Variants in AGBL4 observed in about 807,000 individuals in gnomAD.
The protein encoded by AGBL4 is cytosolic carboxypeptidase 6.
Under a neutral mutation model 66.4 loss-of-function variants are expected in AGBL4, and 58 were observed. That is an observed-to-expected ratio of 0.87 (90% CI 0.71 to 1.09). AGBL4 has a LOEUF of 1.09. Among genes scored for constraint, AGBL4 ranks in the 50% least tolerant of loss-of-function variants. The pLI, the probability that AGBL4 is intolerant of heterozygous loss-of-function variation, is 0.00. For missense variants in AGBL4, 579 were observed against 631.0 expected, an observed-to-expected ratio of 0.92 and a Z score of 0.88; for synonymous variants, 234 against 222.9, an observed-to-expected ratio of 1.05 and a Z score of -0.44.
intron 4 of AGBL4, among the ~76,000 whole-genome samples, chr1:49,162,713 A>G (rs1646562650): frequency 6.6e-6 from 1 of 152,164 alleles, no homozygotes; most frequent in African/African-American, 2.4e-5. Context: ...TCTGTCATTT[A>G]CTACCTCGGA....
chr1:49,000,025 T>G (rs1469854558), intron 5 of AGBL4, among the ~76,000 whole-genome samples: 1 of 152,192 alleles, frequency 6.6e-6, no homozygotes, highest in Non-Finnish European at 1.5e-5. Flanking sequence ...TATTCATCCT[T>G]TGGATCTCAG....
intron 3 of AGBL4, among the ~76,000 whole-genome samples, chr1:49,465,123 T>G (rs1239617069): frequency 1.3e-5 from 2 of 151,378 alleles, no homozygotes; most frequent in African/African-American, 2.4e-5. Context: ...GGAGCTATTT[T>G]GAGAAAATAT....
intron 5 of AGBL4, among the ~76,000 whole-genome samples, chr1:49,033,823 T>C (rs1191014035): frequency 6.4e-5 from 9 of 140,668 alleles, no homozygotes; most frequent in Non-Finnish European, 1.4e-4. Context: ...TTTCCTTTTC[T>C]TTTTTTTTTT....
intron 6 of AGBL4, among the ~76,000 whole-genome samples, chr1:48,752,981 C>T (rs1019724338): frequency 6.6e-6 from 1 of 152,178 alleles, no homozygotes; most frequent in Non-Finnish European, 1.5e-5. Context: ...ATCTCTTGAC[C>T]TCGTGATCCG....
chr1:49,674,027 C>T (rs1302122334), intron 3 of AGBL4, among the ~76,000 whole-genome samples: 1 of 151,990 alleles, frequency 6.6e-6, no homozygotes, highest in Non-Finnish European at 1.5e-5. Flanking sequence ...AGAAAAGGTA[C>T]AATCCCATGC....
intron 3 of AGBL4, among the ~76,000 whole-genome samples, chr1:49,271,312 C>G (rs888737829): frequency 1.3e-5 from 2 of 151,922 alleles, no homozygotes; most frequent in Non-Finnish European, 2.9e-5. Context: ...TACACCATTG[C>G]ACATAAAACT....
rs140975530 is a variant in AGBL4 at position 49,035,729 on chromosome 1, G to GGTGTGT, written c.594+9849_594+9854dup. On this transcript the variant is annotated intron_variant, in intron 5 of 13. Transcript: ENST00000371839. ...CCTGATTGTCACCTGACACTCCTGG[G>GGTGTGT]GTGTGTGTGTGTGTGTGTGTAGGTG... Among the ~76,000 whole-genome samples, 75 of 149,818 alleles carry GGTGTGT rather than the reference G, an allele frequency of 5.0e-4. No individual in the cohort carries two copies. The Middle Eastern group carries it at 0.014, about 28-fold the overall frequency.
intron 1 of AGBL4, among the ~76,000 whole-genome samples, chr1:49,878,092 G>T: frequency 6.7e-6 from 1 of 149,442 alleles, no homozygotes; most frequent in Non-Finnish European, 1.5e-5. Flanking sequence ...CAATTTTGTT[G>T]ATCCTTTCAA....
At chr1:49,064,676 G>T (rs1369393753) in intron 4 of AGBL4, among the ~76,000 whole-genome samples, 3 of 151,974 alleles carry the variant, frequency 2.0e-5, no homozygotes, top group African/African-American at 7.2e-5. Flanking sequence ...AAAATAATTG[G>T]AGACAATGAA....
chr1:49,496,014 A>C lies in AGBL4; in HGVS notation c.282+201299T>G, dbSNP rs75728913. Reference sequence around the variant, plus strand: ...TCACTGGAGGGAAGAATTAGTGTGGATAAAACAGGGCCTGTGCCTCCCACA... The same window carrying C: ...TCACTGGAGGGAAGAATTAGTGTGGCTAAAACAGGGCCTGTGCCTCCCACA... On this transcript the variant is annotated intron_variant, in intron 3 of 13. Coordinates refer to ENST00000371839, the MANE Select transcript of AGBL4 (RefSeq NM_032785.4). Among the ~76,000 whole-genome samples, 1,229 of 152,168 alleles carry C rather than the reference A, an allele frequency of 8.1e-3. 15 individuals are homozygous for C. The highest frequency in any genetic ancestry group is 0.031 in the Middle Eastern group (9 of 294).
intron 6 of AGBL4, among the ~76,000 whole-genome samples, chr1:48,810,841 A>G (rs1239897770): frequency 1.3e-5 from 2 of 151,978 alleles, no homozygotes; most frequent in Admixed American, 1.3e-4. Flanking sequence ...TTGCTCGTTT[A>G]TTTTATTTGT....
chr1:48,927,631 G>A (rs1219499931), intron 5 of AGBL4, among the ~76,000 whole-genome samples: 1 of 152,152 alleles, frequency 6.6e-6, no homozygotes, highest in Admixed American at 6.6e-5. Context: ...AAGTGTCAGT[G>A]GGCAAGATGG....
intron 6 of AGBL4, among the ~76,000 whole-genome samples, chr1:48,742,364 T>C (rs1353872115): frequency 6.6e-6 from 1 of 151,942 alleles, no homozygotes. Flanking sequence ...TATTTTAAAA[T>C]GTCAATTTAC....
chr1:48,643,114 C>G (rs768348346), intron 8 of AGBL4, among the ~76,000 whole-genome samples: 2 of 152,182 alleles, frequency 1.3e-5, no homozygotes, highest in Non-Finnish European at 1.5e-5. Flanking sequence ...CACATGTTAG[C>G]TGTTCTTGTG....
At chr1:48,710,317 C>G (rs1032096024) in intron 6 of AGBL4, among the ~76,000 whole-genome samples, 3 of 152,182 alleles carry the variant, frequency 2.0e-5, no homozygotes, top group African/African-American at 7.2e-5. Context: ...ACTGTACTTA[C>G]AGTGCCATGG....
intron 1 of AGBL4, among the ~76,000 whole-genome samples, chr1:49,890,395 C>G (rs576426855): frequency 6.6e-6 from 1 of 152,070 alleles, no homozygotes; most frequent in South Asian, 2.1e-4. Context: ...GGGGCCCTTG[C>G]AGCAAATATT....
chr1:48,771,656 T>C (rs1644840322), intron 6 of AGBL4, among the ~76,000 whole-genome samples: 2 of 152,168 alleles, frequency 1.3e-5, no homozygotes, highest in South Asian at 4.1e-4. Flanking sequence ...AGAAAATAAA[T>C]CCTTTTGTTG....
intron 8 of AGBL4, among the ~76,000 whole-genome samples, chr1:48,646,116 T>C (rs1032883479): frequency 6.6e-6 from 1 of 152,140 alleles, no homozygotes; most frequent in Non-Finnish European, 1.5e-5. Context: ...AGAGGTGGCA[T>C]CAGCACAGCA....
At chr1:49,485,469 A>T (rs1237751214) in intron 3 of AGBL4, among the ~76,000 whole-genome samples, 1 of 48,880 alleles carries the variant, frequency 2.0e-5, no homozygotes, top group African/African-American at 8.5e-5. Context: ...GGGTGGGGGG[A>T]GGGGGGAGGG....
Sources: allele counts gnomAD v4.1 joint callset (sites outside exome capture counted in the v4.1 genomes callset), GRCh38; gene constraint gnomAD v4.1.1; transcripts MANE v1.5; gene names NCBI Gene and HGNC (gene_info 2026-07-23, HGNC 2026-07-21).